FSHR: variants seen among roughly 807,000 people sequenced by gnomAD.
The protein encoded by FSHR is follicle stimulating hormone receptor, also known as follicle-stimulating hormone receptor.
Under a neutral mutation model 52.1 loss-of-function variants are expected in FSHR, and 46 were observed. That is an observed-to-expected ratio of 0.88 (90% CI 0.70 to 1.13). FSHR has a LOEUF of 1.13. Among genes scored for constraint, FSHR ranks in the 50% most tolerant of loss-of-function variants. The probability of loss-of-function intolerance (pLI) is 0.00; values close to 1 mark genes in which losing one functional copy is unlikely to be tolerated. For missense variants in FSHR, 964 were observed against 834.6 expected, an observed-to-expected ratio of 1.16 and a Z score of -1.91; for synonymous variants, 399 against 309.6, an observed-to-expected ratio of 1.29 and a Z score of -3.03.
intron 2 of FSHR, among the ~76,000 whole-genome samples, chr2:49,063,155 G>A (rs1326691847): frequency 1.3e-5 from 2 of 152,064 alleles, no homozygotes; most frequent in Non-Finnish European, 2.9e-5. Flanking sequence ...AAGGGAGGGA[G>A]GATTAATTTA....
chr2:49,094,537 C>T (rs1239648222), intron 1 of FSHR, among the ~76,000 whole-genome samples: 3 of 151,932 alleles, frequency 2.0e-5, no homozygotes, highest in African/African-American at 7.3e-5. Context: ...CTTATTTTAC[C>T]TCTATTTTTG....
At chr2:49,071,854 G>A (rs1009585042) in intron 1 of FSHR, among the ~76,000 whole-genome samples, 1 of 152,214 alleles carries the variant, frequency 6.6e-6, no homozygotes, top group South Asian at 2.1e-4. Flanking sequence ...ATCAGCTCTT[G>A]TGAAAACTAA....
At chr2:49,029,744 A>T (rs766849703) in intron 2 of FSHR, among the ~76,000 whole-genome samples, 8 of 152,200 alleles carry the variant, frequency 5.3e-5, no homozygotes, top group Non-Finnish European at 1.2e-4. Context: ...CCTAGGTTCT[A>T]GTCCTGACTC....
intron 2 of FSHR, among the ~76,000 whole-genome samples, chr2:49,033,413 C>A (rs1668170556): frequency 6.6e-6 from 1 of 152,152 alleles, no homozygotes; most frequent in South Asian, 2.1e-4. Context: ...GTTTTTCTTT[C>A]TTCTAGCACC....
At chr2:49,068,643 C>A (rs1431208079) in intron 1 of FSHR, among the ~76,000 whole-genome samples, 2 of 152,074 alleles carry the variant, frequency 1.3e-5, no homozygotes, top group African/African-American at 2.4e-5. Flanking sequence ...CTCCAACCCC[C>A]ATTACCTCTT....
At chr2:49,100,202 A>G (rs1488179431) in intron 1 of FSHR, among the ~76,000 whole-genome samples, 2 of 152,162 alleles carry the variant, frequency 1.3e-5, no homozygotes, top group Non-Finnish European at 2.9e-5. Context: ...GCATAGCTAT[A>G]TAGAAGGTGG....
At chr2:48,971,324 C>T (rs1674730160) in intron 8 of FSHR, among the ~76,000 whole-genome samples, 1 of 152,132 alleles carries the variant, frequency 6.6e-6, no homozygotes, top group African/African-American at 2.4e-5. Context: ...AAATCTCATC[C>T]CTTCTCTGTC....
At chr2:49,060,783 C>T (rs1291552687) in intron 2 of FSHR, among the ~76,000 whole-genome samples, 1 of 152,154 alleles carries the variant, frequency 6.6e-6, no homozygotes, top group Admixed American at 6.5e-5. Context: ...ATACCTCTCT[C>T]CCTGGGGAGT....
chr2:49,060,762 G>C (rs1669257181), intron 2 of FSHR, among the ~76,000 whole-genome samples: 2 of 152,096 alleles, frequency 1.3e-5, no homozygotes, highest in South Asian at 4.1e-4. Context: ...TCCCTATTCT[G>C]GGCTTCTGAG....
intron 5 of FSHR, among the ~76,000 whole-genome samples, chr2:48,990,319 G>T (rs950412219): frequency 2.0e-5 from 3 of 152,144 alleles, no homozygotes; most frequent in Non-Finnish European, 4.4e-5. Context: ...GCCACTTTTT[G>T]ATTTTGCTAC....
chr2:49,053,173 C>G (rs925319810), intron 2 of FSHR, among the ~76,000 whole-genome samples: 5 of 152,120 alleles, frequency 3.3e-5, no homozygotes, highest in African/African-American at 1.2e-4. Flanking sequence ...TTATGTGGTT[C>G]ATATTTATGG....
At chr2:49,061,351 A>G (rs991982733) in intron 2 of FSHR, among the ~76,000 whole-genome samples, 6 of 151,914 alleles carry the variant, frequency 3.9e-5, no homozygotes, top group African/African-American at 1.2e-4. Context: ...AAGTGAAGGG[A>G]TGGATAAAAG....
intron 6 of FSHR, among the ~76,000 whole-genome samples, chr2:48,986,410 T>TTC (rs72213738): frequency 6.6e-6 from 1 of 151,510 alleles, no homozygotes; most frequent in Non-Finnish European, 1.5e-5. Flanking sequence ...TTTTTTTTTT[T>TTC]TCTGAGTGTG....
At chr2:49,088,850 A>C (rs939938492) in intron 1 of FSHR, among the ~76,000 whole-genome samples, 1 of 152,176 alleles carries the variant, frequency 6.6e-6, no homozygotes, top group Non-Finnish European at 1.5e-5. Flanking sequence ...AACCAAAAAG[A>C]TAAATTTAGG....
intron 2 of FSHR, among the ~76,000 whole-genome samples, chr2:49,029,171 T>G (rs1308117125): frequency 1.3e-5 from 2 of 152,240 alleles, no homozygotes; most frequent in Non-Finnish European, 2.9e-5. Context: ...ATATTTGACC[T>G]AATTTAACCG....
intron 1 of FSHR, among the ~76,000 whole-genome samples, chr2:49,095,515 T>TA (rs747079059): frequency 6.6e-6 from 1 of 152,212 alleles, no homozygotes; most frequent in East Asian, 1.9e-4. Context: ...GCTAAAACTA[T>TA]AAAACTTTTT....
intron 1 of FSHR, among the ~76,000 whole-genome samples, chr2:49,127,390 G>C (rs1303970460): frequency 6.6e-6 from 1 of 151,688 alleles, no homozygotes; most frequent in East Asian, 1.9e-4. Context: ...TGAAATATCT[G>C]AGCATATAAA....
At chr2:49,108,059 C>T (rs1289767324) in intron 1 of FSHR, among the ~76,000 whole-genome samples, 1 of 152,090 alleles carries the variant, frequency 6.6e-6, no homozygotes, top group African/African-American at 2.4e-5. Context: ...AGTAGATTGC[C>T]TTCTCTAACG....
intron 1 of FSHR, among the ~76,000 whole-genome samples, chr2:49,079,046 A>C (rs1203209779): frequency 6.6e-6 from 1 of 152,178 alleles, no homozygotes; most frequent in Non-Finnish European, 1.5e-5. Flanking sequence ...ATGACAGCTG[A>C]TAAGAAAGTC....
Sources: allele counts gnomAD v4.1 joint callset (sites outside exome capture counted in the v4.1 genomes callset), GRCh38; gene constraint gnomAD v4.1.1; transcripts MANE v1.5; gene names NCBI Gene and HGNC (gene_info 2026-07-23, HGNC 2026-07-21).